TCAIM: variants seen among roughly 807,000 people sequenced by gnomAD.
TCAIM encodes the protein T cell activation inhibitor, mitochondrial, also known as T-cell activation inhibitor, mitochondrial.
Under a neutral mutation model 58.6 loss-of-function variants are expected in TCAIM, and 36 were observed. That is an observed-to-expected ratio of 0.61 (90% CI 0.47 to 0.81). The LOEUF (loss-of-function observed/expected upper bound fraction) is 0.81, where lower values mean the gene tolerates loss of function less well. Ranked by LOEUF, TCAIM falls within the 30% of genes least tolerant of loss-of-function variation. The pLI, the probability that TCAIM is intolerant of heterozygous loss-of-function variation, is 0.00. For synonymous variants in TCAIM, 172 were observed against 193.6 expected (o/e 0.89, Z 0.93); for missense variants, 466 against 579.6 (o/e 0.80, Z 2.01).
intron 5 of TCAIM, among the ~76,000 whole-genome samples, chr3:44,369,017 T>A (rs988091976): frequency 6.6e-6 from 1 of 152,166 alleles, no homozygotes; most frequent in African/African-American, 2.4e-5. Context: ...AGTGAGACCC[T>A]GTCTCCAAAA....
chr3:44,383,953 G>C (rs1701695590), intron 5 of TCAIM, among the ~76,000 whole-genome samples: 1 of 151,856 alleles, frequency 6.6e-6, no homozygotes, highest in African/African-American at 2.4e-5. Flanking sequence ...AAATATGTTA[G>C]TGATTACTAA....
At chr3:44,400,976 CT>C in intron 9 of TCAIM, 1 of 564,290 alleles carries the variant, frequency 1.8e-6, no homozygotes, top group Non-Finnish European at 3.0e-6. Context: ...CAGGTCACCC[CT>C]GGCATGTGAC....
At chr3:44,386,883 A>G (rs1163001947) in intron 5 of TCAIM, among the ~76,000 whole-genome samples, 1 of 152,190 alleles carries the variant, frequency 6.6e-6, no homozygotes. Flanking sequence ...AGAAAGGGCC[A>G]GGTCCCTGAT....
chr3:44,381,047 A>G (rs1701647107), intron 5 of TCAIM, among the ~76,000 whole-genome samples: 1 of 152,172 alleles, frequency 6.6e-6, no homozygotes. Context: ...TCTACCAAAC[A>G]TTTAACAGCA....
At chr3:44,393,312 A>G (rs1394362402) in intron 6 of TCAIM, among the ~76,000 whole-genome samples, 4 of 151,498 alleles carry the variant, frequency 2.6e-5, no homozygotes, top group Non-Finnish European at 4.4e-5. Context: ...TAAAAAAAAA[A>G]TAGCTAGGCA....
At chr3:44,357,267 G>A (rs551217622) in intron 2 of TCAIM, among the ~76,000 whole-genome samples, 55 of 149,636 alleles carry the variant, frequency 3.7e-4, no homozygotes, top group African/African-American at 1.3e-3. Context: ...ACTTGGGAGG[G>A]TAAGGTGGGA....
intron 3 of TCAIM, among the ~76,000 whole-genome samples, chr3:44,360,842 G>T (rs1701285123): frequency 6.6e-6 from 1 of 152,076 alleles, no homozygotes; most frequent in Non-Finnish European, 1.5e-5. Flanking sequence ...CTGAGTTCAG[G>T]CAATCTGCCT....
chr3:44,386,797 C>T (rs1701750926), intron 5 of TCAIM, among the ~76,000 whole-genome samples: 1 of 152,252 alleles, frequency 6.6e-6, no homozygotes, highest in South Asian at 2.1e-4. Flanking sequence ...CCCAGGCCTG[C>T]AGGAGCCCCT....
intron 5 of TCAIM, among the ~76,000 whole-genome samples, chr3:44,382,073 A>C (rs1038406922): frequency 2.0e-5 from 3 of 152,224 alleles, no homozygotes; most frequent in Admixed American, 1.3e-4. Flanking sequence ...GATTTAATGC[A>C]ATCCCTATCA....
intron 10 of TCAIM, among the ~76,000 whole-genome samples, chr3:44,405,355 T>C (rs1395578307): frequency 6.6e-6 from 1 of 152,222 alleles, no homozygotes; most frequent in African/African-American, 2.4e-5. Flanking sequence ...GTTTAAGTAG[T>C]TCTGATACTT....
intron 1 of TCAIM, among the ~76,000 whole-genome samples, chr3:44,343,644 G>GT (rs941149479): frequency 6.6e-6 from 1 of 152,090 alleles, no homozygotes; most frequent in Non-Finnish European, 1.5e-5. Context: ...GCTGCCTACT[G>GT]TTTTAGACAG....
At chr3:44,404,535 C>G (rs1702070354) in intron 10 of TCAIM, among the ~76,000 whole-genome samples, 1 of 152,068 alleles carries the variant, frequency 6.6e-6, no homozygotes, top group Admixed American at 6.5e-5. Context: ...AACCTTCCTT[C>G]CTGCTCAGTC....
At chr3:44,341,971 C>G (rs576433620) in intron 1 of TCAIM, among the ~76,000 whole-genome samples, 1 of 152,282 alleles carries the variant, frequency 6.6e-6, no homozygotes, top group South Asian at 2.1e-4. Context: ...TTGTCTGTGT[C>G]TTTCCACCAT....
intron 5 of TCAIM, among the ~76,000 whole-genome samples, chr3:44,383,703 T>G (rs1354612137): frequency 1.3e-5 from 2 of 148,862 alleles, no homozygotes; most frequent in Non-Finnish European, 3.0e-5. Context: ...CTGGGTGCAG[T>G]GGCTTATGCC....
At chr3:44,356,235 G>T (rs562992891) in intron 2 of TCAIM, among the ~76,000 whole-genome samples, 1 of 152,262 alleles carries the variant, frequency 6.6e-6, no homozygotes, top group East Asian at 1.9e-4. Flanking sequence ...ATTATAAAAA[G>T]CTTAGGTTGG....
intron 5 of TCAIM, among the ~76,000 whole-genome samples, chr3:44,389,539 C>T (rs941181290): frequency 6.6e-6 from 1 of 152,116 alleles, no homozygotes; most frequent in Non-Finnish European, 1.5e-5. Flanking sequence ...CTTTCTCTTA[C>T]ATAATTTAAA....
chr3:44,401,792 A>T (rs1274086971), intron 10 of TCAIM, among the ~76,000 whole-genome samples: 1 of 152,182 alleles, frequency 6.6e-6, no homozygotes, highest in African/African-American at 2.4e-5. Context: ...GCACTTGGGG[A>T]GGCCGAGGCA....
At chr3:44,382,026 T>C (rs2125645910) in intron 5 of TCAIM, among the ~76,000 whole-genome samples, 1 of 152,318 alleles carries the variant, frequency 6.6e-6, no homozygotes, top group South Asian at 2.1e-4. Flanking sequence ...GATCAGAAGA[T>C]AATATTACTA....
intron 5 of TCAIM, among the ~76,000 whole-genome samples, chr3:44,372,744 C>T (rs1225262221): frequency 6.6e-6 from 1 of 152,046 alleles, no homozygotes; most frequent in East Asian, 1.9e-4. Context: ...CAGGCGCCTG[C>T]CACCACACCC....
Sources: gnomAD v4.1 joint callset for allele counts (sites outside exome capture counted in the v4.1 genomes callset) on GRCh38, gnomAD v4.1.1 for gene constraint, MANE v1.5 for transcripts, NCBI Gene and HGNC (gene_info 2026-07-23, HGNC 2026-07-21) for gene names.